DOCK2: variants seen among roughly 807,000 people sequenced by gnomAD.
DOCK2 encodes dedicator of cytokinesis protein 2.
In DOCK2, 87 loss-of-function variants were observed where a neutral mutation model predicts 248.9. The observed-to-expected ratio is 0.35, with a 90% CI of 0.29 to 0.42. The LOEUF is 0.42. Among genes scored for constraint, DOCK2 ranks in the 10% least tolerant of loss-of-function variants. The probability of loss-of-function intolerance (pLI) is 1.00; values close to 1 mark genes in which losing one functional copy is unlikely to be tolerated. For synonymous variants in DOCK2, 805 were observed against 821.6 expected, an observed-to-expected ratio of 0.98 and a Z score of 0.35; for missense variants, 1,747 against 2,300.2, an observed-to-expected ratio of 0.76 and a Z score of 4.92.
chr5:169,748,528 T>G (rs1357278935), intron 23 of DOCK2, among the ~76,000 whole-genome samples: 1 of 152,222 alleles, frequency 6.6e-6, no homozygotes, highest in Non-Finnish European at 1.5e-5. Flanking sequence ...TCCTTTAATT[T>G]AACAAACAGT....
intron 5 of DOCK2, among the ~76,000 whole-genome samples, chr5:169,673,398 T>TA (rs1199917372): frequency 4.0e-5 from 6 of 149,236 alleles, no homozygotes; most frequent in East Asian, 1.9e-4. Flanking sequence ...TATATATATA[T>TA]TTTTTTGTTG....
intron 44 of DOCK2, 71 bp downstream of exon 44, chr5:170,057,737 C>T (rs1053729586): frequency 7.4e-7 from 1 of 1,348,608 alleles, no homozygotes. Context: ...CTCCAAAGGC[C>T]CCTTTGACTT....
chr5:169,667,032 C>T (rs1299329410), intron 2 of DOCK2, among the ~76,000 whole-genome samples: 3 of 152,170 alleles, frequency 2.0e-5, no homozygotes, highest in African/African-American at 4.8e-5. Flanking sequence ...ACACACATAA[C>T]CGAGTTTTGA....
At chr5:169,866,407 T>G (rs953435556) in intron 27 of DOCK2, among the ~76,000 whole-genome samples, 1 of 152,250 alleles carries the variant, frequency 6.6e-6, no homozygotes, top group Non-Finnish European at 1.5e-5. Flanking sequence ...GGCTATGGTG[T>G]CCTCATCTGC....
At position 169,645,993 on chromosome 5, in the gene DOCK2, C is replaced by T. The variant is rs1757435866; in HGVS notation, c.44-8410C>T. On this transcript the variant is annotated intron_variant, in intron 1 of 51. Transcript: ENST00000520908. ...CTCGATCTCCTGACCTCATGATCCG[C>T]CCATCTCAGCCTCCCAAAGTGCTGG... Among the ~76,000 whole-genome samples the T allele has an allele frequency of 2.0e-5, 3 of 152,152 alleles. 1 individual carries two copies. The South Asian group carries it at 6.2e-4, about 32-fold the overall frequency.
At chr5:169,761,385 T>G in intron 24 of DOCK2, 134 bp from the exon 25 acceptor site, 1 of 681,096 alleles carries the variant, frequency 1.5e-6, no homozygotes, top group African/African-American at 1.8e-5. Flanking sequence ...ACTGAAGGCT[T>G]ACCTTGCACC....
At chr5:169,727,538 A>G (rs947093972) in intron 22 of DOCK2, among the ~76,000 whole-genome samples, 2 of 152,148 alleles carry the variant, frequency 1.3e-5, no homozygotes, top group African/African-American at 2.4e-5. Flanking sequence ...TGAATGTCAG[A>G]CCCAGCAGCT....
intron 27 of DOCK2, chr5:169,864,200 C>A: frequency 8.4e-6 from 11 of 1,314,880 alleles, no homozygotes; most frequent in Non-Finnish European, 1.1e-5. Context: ...GCAGGGCAGG[C>A]CTTAAGTGCA....
At chr5:169,802,493 G>T (rs1425484114) in intron 25 of DOCK2, among the ~76,000 whole-genome samples, 1 of 152,116 alleles carries the variant, frequency 6.6e-6, no homozygotes, top group African/African-American at 2.4e-5. Flanking sequence ...ATACATCCAT[G>T]ATAAGGAGTA....
chr5:169,912,846 T>A (rs73325979), intron 27 of DOCK2, among the ~76,000 whole-genome samples: 3,214 of 152,242 alleles, frequency 0.021, 99 homozygotes, highest in African/African-American at 0.068. Context: ...TACTTCTTTT[T>A]TTTTTCAATC....
chr5:169,941,362 C>G (rs1257129472), intron 27 of DOCK2, among the ~76,000 whole-genome samples: 1 of 152,152 alleles, frequency 6.6e-6, no homozygotes, highest in Admixed American at 6.6e-5. Context: ...CCTGTGCCCC[C>G]AGGCCCAGCT....
intron 27 of DOCK2, among the ~76,000 whole-genome samples, chr5:169,936,547 T>C (rs992582000): frequency 6.6e-6 from 1 of 151,418 alleles, no homozygotes; most frequent in Admixed American, 6.6e-5. Context: ...GATGGGCATG[T>C]TGGGGAGAAT....
chr5:169,709,915 G>A (rs972226642), intron 15 of DOCK2, among the ~76,000 whole-genome samples: 6 of 152,284 alleles, frequency 3.9e-5, no homozygotes, highest in Admixed American at 2.6e-4. Context: ...GTTGACTACC[G>A]AGCATTTTCC....
chr5:169,692,290 G>C (rs1346771606), intron 9 of DOCK2, among the ~76,000 whole-genome samples: 1 of 152,210 alleles, frequency 6.6e-6, no homozygotes, highest in Non-Finnish European at 1.5e-5. Flanking sequence ...AACAATAAAA[G>C]AAGCACTAAT....
chr5:169,655,378 C>A (rs75909638), intron 2 of DOCK2, among the ~76,000 whole-genome samples: 2 of 152,308 alleles, frequency 1.3e-5, no homozygotes, highest in African/African-American at 2.4e-5. Context: ...GTTCTGCCCC[C>A]AGTGAATCCA....
intron 22 of DOCK2, among the ~76,000 whole-genome samples, chr5:169,740,620 G>C (rs1043969443): frequency 2.0e-5 from 3 of 152,210 alleles, no homozygotes; most frequent in Non-Finnish European, 4.4e-5. Flanking sequence ...TGGCTGCTGG[G>C]GGTATTCAAT....
At chr5:169,784,407 C>T (rs1434159072) in intron 25 of DOCK2, among the ~76,000 whole-genome samples, 1 of 152,194 alleles carries the variant, frequency 6.6e-6, no homozygotes, top group Admixed American at 6.5e-5. Context: ...GGGGACATGA[C>T]CTGCCCAAGG....
In DOCK2 at chr5:169,818,039, T is replaced by C. The variant is rs115224118; in HGVS notation, c.2703+14833T>C. 5.0e-3 allele frequency among the ~76,000 whole-genome samples: 764 copies of C among 152,328 alleles called. 6 individuals carry two copies. Among genetic ancestry groups the C allele is most frequent in the Non-Finnish European group, 7.5e-3 (507 of 68,022 alleles). On this transcript the variant is annotated intron_variant, in intron 26 of 51. Coordinates refer to ENST00000520908, the MANE Select transcript of DOCK2 (RefSeq NM_004946.3). Reference sequence around the variant, plus strand: ...ACTGCTGGGCTCCCAAAGTTGTTTATACATCAGTTTAGAATTCAGCCTGCA... The same window carrying C: ...ACTGCTGGGCTCCCAAAGTTGTTTACACATCAGTTTAGAATTCAGCCTGCA...
chr5:169,993,765 C>A (rs1778268498), intron 29 of DOCK2, among the ~76,000 whole-genome samples: 1 of 152,246 alleles, frequency 6.6e-6, no homozygotes, highest in South Asian at 2.1e-4. Flanking sequence ...CTTTCTTTCC[C>A]TGGGCTTTGT....
Sources: allele counts gnomAD v4.1 joint callset (sites outside exome capture counted in the v4.1 genomes callset), GRCh38; gene constraint gnomAD v4.1.1; transcripts MANE v1.5; gene names NCBI Gene and HGNC (gene_info 2026-07-23, HGNC 2026-07-21).